PAK1: variants seen among roughly 807,000 people sequenced by gnomAD.
PAK1 encodes the protein serine/threonine-protein kinase PAK 1.
PAK1 carries 29 observed loss-of-function variants against 67.4 expected under a neutral mutation model. That is an observed-to-expected ratio of 0.43 (90% CI 0.32 to 0.59). PAK1 has a LOEUF of 0.59. Among genes scored for constraint, PAK1 ranks in the 20% least tolerant of loss-of-function variants. PAK1 has a pLI of 0.07. For synonymous variants in PAK1, 223 were observed against 237.4 expected (o/e 0.94, Z 0.56); for missense variants, 337 against 670.7 (o/e 0.50, Z 5.50).
At chr11:77,469,157 T>G (rs78142750) in intron 1 of PAK1, among the ~76,000 whole-genome samples, 3,170 of 152,296 alleles carry the variant, frequency 0.021, 110 homozygotes, top group African/African-American at 0.072. Flanking sequence ...AAGCAGCCTC[T>G]GTACTGAAAA....
intron 1 of PAK1, among the ~76,000 whole-genome samples, chr11:77,429,056 TAAAAAAAAAAAAAAAAAAAA>T (rs566874549): frequency 3.9e-4 from 19 of 48,998 alleles, no homozygotes; most frequent in Middle Eastern, 0.01. Context: ...CATTTAATAC[TAAAAAAAAAAAAAAAAAAAA>T]AAAAAAAAAA....
Position 77,323,087 on chromosome 11 carries a change from A to G in PAK1, c.*187T>C, listed in dbSNP as rs1487040728. 1 of 1,011,756 alleles carries G rather than the reference A, an allele frequency of 9.9e-7. No homozygotes were observed. Among genetic ancestry groups the G allele is most frequent in the Non-Finnish European group, 1.5e-6 (1 of 664,836 alleles). The allele number at this position is 1,011,756 out of a possible 1,614,324, so 62.7% of individuals were successfully genotyped here. A position where few individuals can be genotyped will look rare whatever the true frequency, so the allele number is the denominator to read the frequency against. On this transcript the variant is annotated 3_prime_UTR_variant, in exon 15 of 15. Coordinates refer to ENST00000356341, the MANE Select transcript of PAK1 (RefSeq NM_002576.5). ...ATTTAGAAATGGCCATCATCTGATT[A>G]GTCATTCAGTTGCAGTTCTCTTCAA...
chr11:77,468,998 A>T (rs1957725882), intron 1 of PAK1, among the ~76,000 whole-genome samples: 1 of 152,136 alleles, frequency 6.6e-6, no homozygotes, highest in South Asian at 2.1e-4. Flanking sequence ...TTTTTCCTGT[A>T]TGAATGATAA....
chr11:77,355,963 G>T, intron 6 of PAK1, 121 bp from the exon 7 acceptor site: 1 of 654,392 alleles, frequency 1.5e-6, no homozygotes, highest in Non-Finnish European at 2.7e-6. Flanking sequence ...TTTCTCTTAT[G>T]TCAAAATCTA....
chr11:77,327,611 C>G (rs1365782607), intron 14 of PAK1, among the ~76,000 whole-genome samples: 1 of 152,190 alleles, frequency 6.6e-6, no homozygotes, highest in East Asian at 1.9e-4. Flanking sequence ...ACCAGGCCTG[C>G]CTTACAAGAG....
In PAK1 at chr11:77,362,762, C is replaced by CTGAGTA. The variant is rs1231498793; in HGVS notation, c.478-3746_478-3745insTACTCA. On this transcript the variant is annotated intron_variant, in intron 5 of 14. Coordinates refer to ENST00000356341, the MANE Select transcript of PAK1 (RefSeq NM_002576.5). ...TTAGAAAGTGCTCAGTATAGGATTG[C>CTGAGTA]TAAATGAATATGTCTTATCCAATAG... Among the ~76,000 whole-genome samples the CTGAGTA allele has an allele frequency of 3.1e-3, 473 of 152,194 alleles. 4 individuals are homozygous for CTGAGTA. Among genetic ancestry groups the CTGAGTA allele is most frequent in the African/African-American group, 0.011 (442 of 41,528 alleles).
rs75332963 is a variant in PAK1 at position 77,447,379 on chromosome 11, G to A, written c.-22+26173C>T. On this transcript the variant is annotated intron_variant, in intron 1 of 14. Transcript: ENST00000356341. The stretch of plus-strand genomic sequence containing the variant: ...CAAAAATAGGACAAAACTTGGAGGC[G>A]AAAGATTTCATAAGCACTAACACTG... Among the ~76,000 whole-genome samples, 7 of 152,270 alleles carry A rather than the reference G, an allele frequency of 4.6e-5. No homozygotes were observed. In the South Asian group the frequency reaches 6.2e-4, roughly 14 times the overall value.
At chr11:77,460,464 A>G (rs1389188161) in intron 1 of PAK1, among the ~76,000 whole-genome samples, 1 of 151,894 alleles carries the variant, frequency 6.6e-6, no homozygotes, top group African/African-American at 2.4e-5. Context: ...TCGAAGTAGA[A>G]GTTGTAAATA....
chr11:77,397,361 T>C (rs1951968282), intron 1 of PAK1, among the ~76,000 whole-genome samples: 1 of 152,224 alleles, frequency 6.6e-6, no homozygotes, highest in Non-Finnish European at 1.5e-5. Context: ...AAAAGATTAC[T>C]GGAATTAAAG....
Position 77,341,947 on chromosome 11 carries a change from C to A in PAK1, c.999-1184G>T, listed in dbSNP as rs114896989. Reference sequence around the variant, plus strand: ...AATAAACATGACAGACTAAGTGTTTCTTCAACAATCTCTTTTGAGAGAGAA... The same window carrying A: ...AATAAACATGACAGACTAAGTGTTTATTCAACAATCTCTTTTGAGAGAGAA... On this transcript the variant is annotated intron_variant, in intron 10 of 14. Transcript: ENST00000356341. 6.6e-4 allele frequency among the ~76,000 whole-genome samples: 101 copies of A among 152,294 alleles called. 1 individual carries two copies. The highest frequency in any genetic ancestry group is 2.4e-3 in the African/African-American group (98 of 41,566).
At chr11:77,416,583 T>C (rs1402465831) in intron 1 of PAK1, among the ~76,000 whole-genome samples, 4 of 152,188 alleles carry the variant, frequency 2.6e-5, no homozygotes, top group African/African-American at 9.7e-5. Flanking sequence ...GAGTACACTC[T>C]AAAATAACAA....
At chr11:77,521,222 G>A in the PAK1 span, among the ~76,000 whole-genome samples, 1 of 152,054 alleles carries the variant, frequency 6.6e-6, no homozygotes, top group Admixed American at 6.5e-5. Context: ...CCAAAGCTTG[G>A]AATTGAGTTT....
intron 7 of PAK1, among the ~76,000 whole-genome samples, chr11:77,354,790 G>C (rs1945782770): frequency 6.6e-6 from 1 of 152,186 alleles, no homozygotes. Flanking sequence ...CGCCAAATCG[G>C]TCACATCAAA....
intron 1 of PAK1, among the ~76,000 whole-genome samples, chr11:77,444,809 T>C (rs909716542): frequency 3.9e-5 from 6 of 152,134 alleles, no homozygotes; most frequent in African/African-American, 1.4e-4. Context: ...CAAAACTCCT[T>C]GGTTCCACCA....
intron 1 of PAK1, among the ~76,000 whole-genome samples, chr11:77,465,394 T>C (rs1375369982): frequency 1.3e-5 from 2 of 152,112 alleles, no homozygotes; most frequent in Non-Finnish European, 2.9e-5. Flanking sequence ...AGACTCTATA[T>C]AAAAGGGTTT....
chr11:77,389,488 G>C (rs1950863466), intron 2 of PAK1, among the ~76,000 whole-genome samples: 1 of 152,164 alleles, frequency 6.6e-6, no homozygotes, highest in Non-Finnish European at 1.5e-5. Flanking sequence ...CAGCAATTAT[G>C]AGGGTTGCAA....
chr11:77,400,779 A>C (rs1952568351), intron 1 of PAK1, among the ~76,000 whole-genome samples: 1 of 152,242 alleles, frequency 6.6e-6, no homozygotes, highest in South Asian at 2.1e-4. Flanking sequence ...GAAAACTTGG[A>C]AATCTATTTG....
chr11:77,425,114 C>A (rs1955478900), intron 1 of PAK1, among the ~76,000 whole-genome samples: 1 of 152,130 alleles, frequency 6.6e-6, no homozygotes, highest in Admixed American at 6.5e-5. Flanking sequence ...TGCAGGAGCA[C>A]AAGTGGCTTT....
At chr11:77,440,213 A>G (rs2138427366) in intron 1 of PAK1, among the ~76,000 whole-genome samples, 1 of 152,298 alleles carries the variant, frequency 6.6e-6, no homozygotes, top group Non-Finnish European at 1.5e-5. Context: ...GAATTTAATT[A>G]GCATCTATCC....
Sources: allele counts gnomAD v4.1 joint callset (sites outside exome capture counted in the v4.1 genomes callset), GRCh38; gene constraint gnomAD v4.1.1; transcripts MANE v1.5; gene names NCBI Gene and HGNC (gene_info 2026-07-23, HGNC 2026-07-21).